EEFSEC: variants seen among roughly 807,000 people sequenced by gnomAD.
The protein encoded by EEFSEC is eukaryotic elongation factor, selenocysteine-tRNA specific.
EEFSEC carries 43 observed loss-of-function variants against 42.1 expected under a neutral mutation model. The ratio of observed to expected loss-of-function variants is 1.02; its 90% CI spans 0.80 to 1.32. EEFSEC has a LOEUF of 1.32. Ranked by LOEUF, EEFSEC falls within the 40% of genes most tolerant of loss-of-function variation. EEFSEC has a pLI of 0.00. For synonymous variants in EEFSEC, 354 were observed against 339.1 expected, an observed-to-expected ratio of 1.04 and a Z score of -0.48; for missense variants, 745 against 803.6, an observed-to-expected ratio of 0.93 and a Z score of 0.88.
chr3:128,238,642 C>T (rs2066037807), intron 1 of EEFSEC, among the ~76,000 whole-genome samples: 1 of 152,208 alleles, frequency 6.6e-6, no homozygotes, highest in Non-Finnish European at 1.5e-5. Flanking sequence ...ATGCATACCA[C>T]CATGCCCGGC....
At chr3:128,182,144 C>A (rs1216601727) in intron 1 of EEFSEC, among the ~76,000 whole-genome samples, 4 of 152,120 alleles carry the variant, frequency 2.6e-5, no homozygotes, top group Non-Finnish European at 4.4e-5. Flanking sequence ...GGCAAGGTAC[C>A]CAGATTAAGT....
chr3:128,158,532 A>G (rs977415698), intron 1 of EEFSEC, among the ~76,000 whole-genome samples: 4 of 152,248 alleles, frequency 2.6e-5, no homozygotes, highest in African/African-American at 4.8e-5. Flanking sequence ...TCAGTCGGCA[A>G]CCATCACCAT....
intron 4 of EEFSEC, among the ~76,000 whole-genome samples, chr3:128,291,038 C>T (rs1375687409): frequency 6.6e-6 from 1 of 152,128 alleles, no homozygotes; most frequent in African/African-American, 2.4e-5. Context: ...GCATGAACCA[C>T]CGTGCCCGGC....
At chr3:128,327,303 CA>C (rs398052257) in intron 4 of EEFSEC, among the ~76,000 whole-genome samples, 4 of 128,658 alleles carry the variant, frequency 3.1e-5, no homozygotes, top group African/African-American at 6.8e-5. Flanking sequence ...CCCCCCCCCC[CA>C]AGGTTGTCCC....
intron 4 of EEFSEC, among the ~76,000 whole-genome samples, chr3:128,340,496 A>G (rs1305585897): frequency 6.6e-6 from 1 of 151,990 alleles, no homozygotes; most frequent in Non-Finnish European, 1.5e-5. Flanking sequence ...TTGTTTCAAG[A>G]TATTAAGCTC....
At chr3:128,170,530 G>C (rs1240156289) in intron 1 of EEFSEC, among the ~76,000 whole-genome samples, 1 of 152,006 alleles carries the variant, frequency 6.6e-6, no homozygotes, top group Non-Finnish European at 1.5e-5. Flanking sequence ...TGGGATACCA[G>C]TTTGGTCTTC....
chr3:128,239,511 C>T (rs1038938906), intron 1 of EEFSEC, among the ~76,000 whole-genome samples: 25 of 152,148 alleles, frequency 1.6e-4, no homozygotes, highest in Admixed American at 3.9e-4. Context: ...GCTGGCAGAG[C>T]GAGATGCTTA....
intron 4 of EEFSEC, among the ~76,000 whole-genome samples, chr3:128,299,159 G>A (rs1406282261): frequency 6.6e-6 from 1 of 151,986 alleles, no homozygotes; most frequent in Non-Finnish European, 1.5e-5. Context: ...TTTTCCATAG[G>A]AGCCGTATCA....
At chr3:128,266,033 A>T (rs2066350533) in intron 4 of EEFSEC, among the ~76,000 whole-genome samples, 1 of 152,206 alleles carries the variant, frequency 6.6e-6, no homozygotes, top group African/African-American at 2.4e-5. Context: ...ATTGAGGCCT[A>T]GGGAGGAGCT....
In EEFSEC at chr3:128,272,306, C is replaced by G. The variant is rs2811413; in HGVS notation, c.786+7525C>G. On this transcript the variant is annotated intron_variant, in intron 4 of 6. Transcript: ENST00000254730. ...CCCCTGGCAGCGGCTTGTTACCTGACTCTGGCCAATGATATGTGAAGGGAC... is the reference window on the plus strand; with the variant it reads ...CCCCTGGCAGCGGCTTGTTACCTGAGTCTGGCCAATGATATGTGAAGGGAC... Among the ~76,000 whole-genome samples the G allele has an allele frequency of 3.0e-3, 457 of 152,262 alleles. 16 individuals are homozygous for G. The highest frequency in any genetic ancestry group is 0.03 in the Admixed American group (453 of 15,306).
intron 1 of EEFSEC, among the ~76,000 whole-genome samples, chr3:128,213,055 G>A (rs964599986): frequency 6.6e-6 from 1 of 152,206 alleles, no homozygotes; most frequent in African/African-American, 2.4e-5. Flanking sequence ...AGTGGGGGTT[G>A]GCTGCCCACC....
At chr3:128,157,417 G>C (rs1944400479) in intron 1 of EEFSEC, among the ~76,000 whole-genome samples, 1 of 152,216 alleles carries the variant, frequency 6.6e-6, no homozygotes, top group Admixed American at 6.5e-5. Context: ...ACTGTAGATG[G>C]AACAGCCTTA....
At chr3:128,299,412 T>C (rs1362282722) in intron 4 of EEFSEC, among the ~76,000 whole-genome samples, 3 of 152,186 alleles carry the variant, frequency 2.0e-5, no homozygotes, top group East Asian at 1.9e-4. Context: ...ATTCATCAGA[T>C]TATTTATGTG....
chr3:128,160,788 G>A (rs2065177510), intron 1 of EEFSEC, among the ~76,000 whole-genome samples: 1 of 152,036 alleles, frequency 6.6e-6, no homozygotes, highest in African/African-American at 2.4e-5. Context: ...ATTCCACTGT[G>A]TGCGCACACA....
chr3:128,408,489 C>A lies in EEFSEC; in HGVS notation c.*230C>A. The A allele has an allele frequency of 2.4e-6, 1 of 413,290 alleles. No homozygotes were observed. The highest frequency in any genetic ancestry group is 3.7e-5 in the East Asian group (1 of 27,304). 25.6% of individuals were successfully genotyped at this position (413,290 alleles called of 1,614,324 possible). A position where few individuals can be genotyped will look rare whatever the true frequency, so the allele number is the denominator to read the frequency against. On this transcript the variant is annotated 3_prime_UTR_variant, in exon 7 of 7. Transcript: ENST00000254730. ...CTGCACACTCCCACCCAGGACAGCC[C>A]CCAGCCCAACTAGGAAAGGGCCATG...
intron 1 of EEFSEC, among the ~76,000 whole-genome samples, chr3:128,202,430 A>G (rs1257391040): frequency 2.0e-5 from 3 of 152,196 alleles, no homozygotes; most frequent in Non-Finnish European, 2.9e-5. Context: ...TGATGCTATC[A>G]TAAATGATAT....
At chr3:128,410,565 T>C (rs116611968), downstream of EEFSEC, among the ~76,000 whole-genome samples, 6,622 of 152,174 alleles carry the variant, frequency 0.044, 485 homozygotes, top group African/African-American at 0.15. Flanking sequence ...GATTCAGGCC[T>C]CTCCCTGCCT....
At chr3:128,320,295 T>A (rs2066992975) in intron 4 of EEFSEC, among the ~76,000 whole-genome samples, 1 of 152,246 alleles carries the variant, frequency 6.6e-6, no homozygotes, top group Non-Finnish European at 1.5e-5. Flanking sequence ...TCTTTTACTT[T>A]CATTGTCACC....
chr3:128,421,639 C>G, the EEFSEC span, among the ~76,000 whole-genome samples: 3 of 152,140 alleles, frequency 2.0e-5, no homozygotes, highest in Non-Finnish European at 4.4e-5. Flanking sequence ...GACGACCTCC[C>G]GGTGCACAGA....
Sources: gnomAD v4.1 joint callset for allele counts (sites outside exome capture counted in the v4.1 genomes callset) on GRCh38, gnomAD v4.1.1 for gene constraint, MANE v1.5 for transcripts, NCBI Gene and HGNC (gene_info 2026-07-23, HGNC 2026-07-21) for gene names.